Variants in PTPRN2 observed in about 807,000 individuals in gnomAD.
PTPRN2 encodes the protein protein tyrosine phosphatase receptor type N2, also known as receptor-type tyrosine-protein phosphatase N2.
A neutral mutation model predicts 118.8 loss-of-function variants in PTPRN2; 74 were observed. The observed-to-expected ratio is 0.62, with a 90% CI of 0.52 to 0.76. The LOEUF is 0.76. PTPRN2 is among the 30% of genes least tolerant of loss of function. The pLI, the probability that PTPRN2 is intolerant of heterozygous loss-of-function variation, is 0.00. For missense variants in PTPRN2, 1,481 were observed against 1,394.4 expected (o/e 1.06, Z -0.99); for synonymous variants, 641 against 608.0 (o/e 1.05, Z -0.80).
At chr7:158,057,922 T>G (rs1177906477) in intron 11 of PTPRN2, among the ~76,000 whole-genome samples, 2 of 152,244 alleles carry the variant, frequency 1.3e-5, no homozygotes, top group Non-Finnish European at 2.9e-5. Flanking sequence ...TATCTTTTTT[T>G]CCTTGTTTCC....
chr7:158,583,095 C>T (rs1416573732), intron 1 of PTPRN2, among the ~76,000 whole-genome samples: 2 of 152,176 alleles, frequency 1.3e-5, no homozygotes, highest in African/African-American at 2.4e-5. Flanking sequence ...CCTTCCTAGT[C>T]CCATATTCCT....
At chr7:157,807,682 T>C (rs1805718692) in intron 12 of PTPRN2, among the ~76,000 whole-genome samples, 1 of 152,226 alleles carries the variant, frequency 6.6e-6, no homozygotes. Flanking sequence ...TGGAGCTTTG[T>C]ACTGAACACT....
rs73729681 is a variant in PTPRN2, at chr7:158,529,753, G to A, written c.113-39968C>T. 6.7e-3 allele frequency among the ~76,000 whole-genome samples: 1,018 copies of A among 152,214 alleles called. 15 individuals carry two copies. Among genetic ancestry groups the A allele is most frequent in the African/African-American group, 0.023 (974 of 41,520 alleles). On this transcript the variant is annotated intron_variant, in intron 1 of 22. Coordinates refer to ENST00000389418, the MANE Select transcript of PTPRN2 (RefSeq NM_002847.5). The surrounding 1 kb of genome is among the most constrained non-coding windows in gnomAD (Gnocchi z 4.7). ...GGGCGGTCACCAGAAGGGGCCAGGC[G>A]GGAGCAGGACCAGCTCACAGTCTCC...
At position 157,764,181 on chromosome 7, in the gene PTPRN2, A is replaced by C. The variant is rs1802311909; in HGVS notation, c.1789-81244T>G. ...TGCAGTCGCTGTTAGTGGGTCCTCA[A>C]AAAACTAACCACAGAATCAGCCCAG... On this transcript the variant is annotated intron_variant, in intron 12 of 22. Transcript: ENST00000389418. This position sits in a 1 kb window ranked among gnomAD's most constrained non-coding sequence, Gnocchi z 4.5. Among the ~76,000 whole-genome samples, 1 of 152,174 alleles carries C rather than the reference A, an allele frequency of 6.6e-6. No homozygotes were observed. The highest frequency in any genetic ancestry group is 1.9e-4 in the East Asian group (1 of 5,178).
chr7:158,089,654 A>G (rs553859839), intron 10 of PTPRN2, among the ~76,000 whole-genome samples: 2 of 131,044 alleles, frequency 1.5e-5, no homozygotes, highest in African/African-American at 5.8e-5. Context: ...CCCTGATGAA[A>G]GGGGGAGTCT....
chr7:158,362,940 C>G (rs4909071), intron 2 of PTPRN2, among the ~76,000 whole-genome samples: 134,420 of 152,198 alleles, frequency 0.88, 59,935 homozygotes, highest in Non-Finnish European at 0.94. Flanking sequence ...AGAGAAGTCT[C>G]AAAACGACGC....
At chr7:157,681,720 T>C (rs1796923884) in intron 13 of PTPRN2, among the ~76,000 whole-genome samples, 1 of 152,180 alleles carries the variant, frequency 6.6e-6, no homozygotes, top group South Asian at 2.1e-4. Context: ...TGGAGGGCGC[T>C]TTGTGGAGAG....
rs968070340 is a variant in PTPRN2 at position 157,617,497 on chromosome 7, T to G, written c.2344+3865A>C. On this transcript the variant is annotated intron_variant, in intron 15 of 22. Coordinates refer to ENST00000389418, the MANE Select transcript of PTPRN2 (RefSeq NM_002847.5). This position sits in a 1 kb window ranked among gnomAD's most constrained non-coding sequence, Gnocchi z 7.5. ...CACGATGCCCCAGTGATGCTGTGGTTAGGACGCTGTTCACGCAGCTGCAGC... is the reference window on the plus strand; with the variant it reads ...CACGATGCCCCAGTGATGCTGTGGTGAGGACGCTGTTCACGCAGCTGCAGC... The G allele has an allele frequency of 1.3e-5, 2 of 149,858 alleles. No individual in the cohort carries two copies. Among genetic ancestry groups the G allele is most frequent in the Non-Finnish European group, 3.0e-5 (2 of 67,666 alleles). The allele number at this position is 149,858 out of a possible 1,614,324, so 9.3% of individuals were successfully genotyped here.
rs141519128 is a variant in PTPRN2 at position 158,192,390 on chromosome 7, G to C, written c.486C>G (p.Ser162=). The change falls in exon 5 of 23, where the codon TCC becomes TCG. Residue 162 remains serine, a synonymous_variant. Coordinates refer to ENST00000389418, the MANE Select transcript of PTPRN2 (RefSeq NM_002847.5). ...CGAGCACGTCTGAGGCTGGGGCCTGGGACAGGGCCTCCAGGAAGGGCAGGT... is the reference window on the plus strand; with the variant it reads ...CGAGCACGTCTGAGGCTGGGGCCTGCGACAGGGCCTCCAGGAAGGGCAGGT... The part of the protein sequence containing the change: ...RRHLPFLEAL[S]QAPASDVLAR... The C allele has an allele frequency of 1.3e-6, 2 of 1,532,536 alleles. No individual in the cohort carries two copies. The highest frequency in any genetic ancestry group is 1.7e-6 in the Non-Finnish European group (2 of 1,150,918). The allele number at this position is 1,532,536 out of a possible 1,614,324, so 94.9% of individuals were successfully genotyped here.
At chr7:158,245,427 G>A (rs920831748) in intron 3 of PTPRN2, among the ~76,000 whole-genome samples, 10 of 152,366 alleles carry the variant, frequency 6.6e-5, no homozygotes, top group East Asian at 1.9e-4. Context: ...AGGAATGCGC[G>A]GCCTGTTGAG....
intron 12 of PTPRN2, among the ~76,000 whole-genome samples, chr7:157,726,828 C>T (rs951733140): frequency 6.6e-6 from 1 of 152,154 alleles, no homozygotes; most frequent in African/African-American, 2.4e-5. Flanking sequence ...AAAACCATCT[C>T]GTTCAGAAAA....
intron 2 of PTPRN2, among the ~76,000 whole-genome samples, chr7:158,479,033 T>C (rs1011808330): frequency 3.3e-5 from 5 of 151,992 alleles, no homozygotes; most frequent in Admixed American, 6.6e-5. Flanking sequence ...GCTGTGGACA[T>C]GCCACAGGAC....
intron 2 of PTPRN2, among the ~76,000 whole-genome samples, chr7:158,337,476 AAG>A (rs1805877920): frequency 6.7e-6 from 1 of 148,712 alleles, no homozygotes; most frequent in Non-Finnish European, 1.5e-5. Context: ...CTCTCACCAT[AAG>A]AGGTGACACC....
chr7:157,623,294 G>C (rs1342385701), intron 14 of PTPRN2, among the ~76,000 whole-genome samples: 1 of 152,194 alleles, frequency 6.6e-6, no homozygotes, highest in Non-Finnish European at 1.5e-5. Flanking sequence ...TATGGTGAAA[G>C]GATAGTCCCA....
rs762739244 is a variant in PTPRN2, at chr7:158,192,437, G to A, written c.439C>T (p.Leu147=). The change falls in exon 5 of 23, where the codon CTG becomes TTG. Residue 147 remains leucine, a synonymous_variant. Transcript: ENST00000389418. ...AGGTGGCGTCGGAGGGCGTTGGCCA[G>A]GGCAGCACCGCCCTCCCGACTGTAC... ...RRYSREGGAA[L]ANALRRHLPF... 5.8e-6 allele frequency: 9 copies of A among 1,561,248 alleles called. No homozygotes were observed. Among genetic ancestry groups the A allele is most frequent in the Non-Finnish European group, 7.7e-6 (9 of 1,161,580 alleles).
intron 12 of PTPRN2, among the ~76,000 whole-genome samples, chr7:157,693,619 C>A (rs556166587): frequency 2.0e-5 from 3 of 152,146 alleles, no homozygotes; most frequent in Non-Finnish European, 4.4e-5. Context: ...GGCCCGAGCG[C>A]CCGGCGCACC....
intron 11 of PTPRN2, among the ~76,000 whole-genome samples, chr7:157,954,670 T>C (rs1200872691): frequency 1.3e-5 from 2 of 152,118 alleles, no homozygotes; most frequent in Non-Finnish European, 2.9e-5. Flanking sequence ...AGGCCTGCAG[T>C]ACAGCTCCAG....
chr7:158,586,103 T>G (rs541966869), intron 1 of PTPRN2, among the ~76,000 whole-genome samples: 6 of 152,104 alleles, frequency 3.9e-5, no homozygotes, highest in Non-Finnish European at 7.4e-5. Context: ...ATCCCAGAGG[T>G]GCGGGACCAG....
chr7:158,328,382 G>T (rs368093223), intron 2 of PTPRN2, among the ~76,000 whole-genome samples: 1 of 152,224 alleles, frequency 6.6e-6, no homozygotes, highest in East Asian at 1.9e-4. Context: ...AAGATAAGCC[G>T]AGACCCTATA....
Sources: allele counts gnomAD v4.1 joint callset (sites outside exome capture counted in the v4.1 genomes callset), GRCh38; gene constraint gnomAD v4.1.1; non-coding constraint Gnocchi (gnomAD v3.1); transcripts MANE v1.5; gene names NCBI Gene and HGNC (gene_info 2026-07-23, HGNC 2026-07-21).